DLG4: variants seen among roughly 807,000 people sequenced by gnomAD.
The protein encoded by DLG4 is discs large MAGUK scaffold protein 4.
A neutral mutation model predicts 93.8 loss-of-function variants in DLG4; 7 were observed. The observed-to-expected ratio is 0.07, with a 90% CI of 0.04 to 0.14. DLG4 has a LOEUF of 0.14. DLG4 is among the 10% of genes least tolerant of loss of function. The pLI, the probability that DLG4 is intolerant of heterozygous loss-of-function variation, is 1.00. For synonymous variants in DLG4, 341 were observed against 387.6 expected, an observed-to-expected ratio of 0.88 and a Z score of 1.41; for missense variants, 545 against 992.9, an observed-to-expected ratio of 0.55 and a Z score of 6.06.
rs1382776465 is a variant in DLG4 at position 7,191,546 on chromosome 17, C to T, written c.1977-188G>A. The stretch of plus-strand genomic sequence containing the variant: ...CACCCCCCTGCCACCCGCAACCGCC[C>T]CAGCCAGGTGTGGCTACTCCAGGGA... On this transcript the variant is annotated intron_variant, in intron 18 of 19. Transcript: ENST00000399506. The surrounding 1 kb of genome is among the most constrained non-coding windows in gnomAD (Gnocchi z 6.6). 4.8e-6 allele frequency: 3 copies of T among 621,818 alleles called. No individual in the cohort carries two copies. Among genetic ancestry groups the T allele is most frequent in the Non-Finnish European group, 8.6e-6 (3 of 350,100 alleles). 38.5% of individuals were successfully genotyped at this position (621,818 alleles called of 1,614,324 possible). A position where few individuals can be genotyped will look rare whatever the true frequency, so the allele number is the denominator to read the frequency against.
chr17:7,202,738 G>T, intron 8 of DLG4, 165 bp downstream of exon 8: 1 of 860,364 alleles, frequency 1.2e-6, no homozygotes, highest in Non-Finnish European at 1.8e-6. Flanking sequence ...TTCTTTTATG[G>T]TAATTGATTT....
rs2069732773 is a variant in DLG4, at chr17:7,195,594, C to A, written c.1301+626G>T. On this transcript the variant is annotated intron_variant, in intron 11 of 19. Transcript: ENST00000399506. The surrounding 1 kb of genome is among the most constrained non-coding windows in gnomAD (Gnocchi z 4.3). ...AAAGCCAATGGCCAGAAGTGCAGGT[C>A]TTGACCTCTGGAAATAGGTCAGCCA... is the stretch of plus-strand genomic sequence containing the variant. Among the ~76,000 whole-genome samples the A allele has an allele frequency of 6.6e-6, 1 of 152,158 alleles. No individual in the cohort carries two copies. The highest frequency in any genetic ancestry group is 1.5e-5 in the Non-Finnish European group (1 of 68,020).
Position 7,194,437 on chromosome 17 carries a change from A to C in DLG4, c.1360T>G (p.Phe454Val). Residue 454 changes from phenylalanine to valine, a missense_variant, in exon 12 of 20, where the codon TTC becomes GTC. Transcript: ENST00000399506. The surrounding 1 kb of genome is among the most constrained non-coding windows in gnomAD (Gnocchi z 4.4). ...DCGFLSQALS[F>V]RFGDVLHVID... Reference sequence around the variant, plus strand: ...ACATGCAGCACATCCCCAAAGCGGAAGCTCAGGGCCTGGCTCAGGAAGCCG... The same window carrying C: ...ACATGCAGCACATCCCCAAAGCGGACGCTCAGGGCCTGGCTCAGGAAGCCG... 6.2e-7 allele frequency: 1 copy of C among 1,612,276 alleles called. No homozygotes were observed. The highest frequency in any genetic ancestry group is 8.5e-7 in the Non-Finnish European group (1 of 1,179,252).
intron 8 of DLG4, among the ~76,000 whole-genome samples, chr17:7,198,725 G>A (rs2069948301): frequency 6.9e-6 from 1 of 144,784 alleles, no homozygotes; most frequent in African/African-American, 2.6e-5. Flanking sequence ...GCAGGGCCCT[G>A]TAATCCCAGC....
In DLG4 at chr17:7,192,936, A is replaced by G. The variant is rs1431426187; in HGVS notation, c.1866+9T>C. 2.5e-6 allele frequency: 4 copies of G among 1,607,032 alleles called. No homozygotes were observed. The highest frequency in any genetic ancestry group is 8.5e-7 in the Non-Finnish European group (1 of 1,176,268). On this transcript the variant is annotated intron_variant, in intron 17 of 19. Coordinates refer to ENST00000399506, the MANE Select transcript of DLG4 (RefSeq NM_001321075.3). ...GAAGGAAGAGGACCGGGTGCCCGCC[A>G]GGTCCTACCTGCTCTGCCACCTCTC...
Position 7,203,367 on chromosome 17 carries a change from G to A in DLG4, c.506-38C>T. On this transcript the variant is annotated intron_variant, in intron 6 of 19. Coordinates refer to ENST00000399506, the MANE Select transcript of DLG4 (RefSeq NM_001321075.3). This position sits in a 1 kb window ranked among gnomAD's most constrained non-coding sequence, Gnocchi z 7.2. ...GAGGCCAGAGGTGGGTGCCCAGGAA[G>A]CAGGCTTGGGGGCACAGGACAGTTG... 2 of 1,591,658 alleles carry A rather than the reference G, an allele frequency of 1.3e-6. No homozygotes were observed. Among genetic ancestry groups the A allele is most frequent in the Non-Finnish European group, 1.7e-6 (2 of 1,162,706 alleles).
At chr17:7,219,830 G>T, upstream of DLG4, 10 of 1,536,368 alleles carry the variant, frequency 6.5e-6, no homozygotes, top group Non-Finnish European at 8.7e-6. Context: ...GGGCTCCAGG[G>T]AACTACAGCT....
Position 7,196,738 on chromosome 17 carries a change from G to T in DLG4, c.1083+19C>A. 1 of 1,593,324 alleles carries T rather than the reference G, an allele frequency of 6.3e-7. No individual in the cohort carries two copies. ...CTGTGGGGAGGGGGTGGTGCAGGTA[G>T]GGGCAGGCCTTCCCTCACCGACAGG... On this transcript the variant is annotated intron_variant, in intron 9 of 19. Coordinates refer to ENST00000399506, the MANE Select transcript of DLG4 (RefSeq NM_001321075.3). This position sits in a 1 kb window ranked among gnomAD's most constrained non-coding sequence, Gnocchi z 8.3.
chr17:7,198,286 C>A (rs2069907315), intron 8 of DLG4, among the ~76,000 whole-genome samples: 1 of 151,694 alleles, frequency 6.6e-6, no homozygotes, highest in Non-Finnish European at 1.5e-5. Context: ...ACTTTGAGAC[C>A]AGCCTGGCTA....
intron 2 of DLG4, chr17:7,205,201 GACATCCGGGTCCTATCCCGCTCATCT>G: frequency 1.0e-6 from 1 of 980,922 alleles, no homozygotes; most frequent in South Asian, 4.7e-5. Context: ...AGTGGTGAAA[GACATCCGGGTCCTATCCCGCTCATCT>G]ACTCCCTCCC....
At position 7,193,624 on chromosome 17, in the gene DLG4, G is replaced by A. The variant is rs1597444102; in HGVS notation, c.1592-40C>T. The A allele has an allele frequency of 6.5e-7, 1 of 1,530,068 alleles. No homozygotes were observed. Among genetic ancestry groups the A allele is most frequent in the East Asian group, 2.3e-5 (1 of 44,284 alleles). The allele number at this position is 1,530,068 out of a possible 1,614,324, so 94.8% of individuals were successfully genotyped here. A position where few individuals can be genotyped will look rare whatever the true frequency, so the allele number is the denominator to read the frequency against. ...TGGCTTAGGCCGAGCGCAGGGTTGG[G>A]GGAGCAGCAAGTGCTGGGGCCAAGG... On this transcript the variant is annotated intron_variant, in intron 15 of 19. Coordinates refer to ENST00000399506, the MANE Select transcript of DLG4 (RefSeq NM_001321075.3). The surrounding 1 kb of genome is among the most constrained non-coding windows in gnomAD (Gnocchi z 6.7).
Position 7,193,016 on chromosome 17 carries a change from T to C in DLG4, c.1795A>G (p.Ile599Val). 6.2e-7 allele frequency: 1 copy of C among 1,613,776 alleles called. No individual in the cohort carries two copies. The highest frequency in any genetic ancestry group is 2.2e-5 in the East Asian group (1 of 44,872). ...TGGCTGTTGTACTGGCCGGCCTCAATGAACTTGTGCGCCTGAATGTCCTTC... is the reference window on the plus strand; with the variant it reads ...TGGCTGTTGTACTGGCCGGCCTCAACGAACTTGTGCGCCTGAATGTCCTTC... ...MEKDIQAHKF[I>V]EAGQYNSHLY... Residue 599 changes from isoleucine to valine, a missense_variant, in exon 17 of 20, where the codon ATT becomes GTT. Transcript: ENST00000399506. This position sits in a 1 kb window ranked among gnomAD's most constrained non-coding sequence, Gnocchi z 6.7.
intron 1 of DLG4, among the ~76,000 whole-genome samples, chr17:7,210,728 T>G (rs960552778): frequency 2.6e-5 from 4 of 152,060 alleles, no homozygotes; most frequent in African/African-American, 9.7e-5. Flanking sequence ...AGCTCCAAGT[T>G]TTGGAGTCTG....
intron 2 of DLG4, chr17:7,204,482 T>TC: frequency 4.2e-6 from 2 of 473,166 alleles, no homozygotes; most frequent in Non-Finnish European, 7.4e-6. Context: ...AGGATCTAAC[T>TC]CTGCCCAGCC....
rs2653285 is a variant in DLG4, at chr17:7,193,426, C to A, written c.1693+57G>T. On this transcript the variant is annotated intron_variant, in intron 16 of 19. Coordinates refer to ENST00000399506, the MANE Select transcript of DLG4 (RefSeq NM_001321075.3). This position sits in a 1 kb window ranked among gnomAD's most constrained non-coding sequence, Gnocchi z 6.7. ...TCTGCCTATGGCCCCAGGGATGGGC[C>A]TCCCCTGCCCCACCCCCACTTCCAC... 1.2e-5 allele frequency: 18 copies of A among 1,472,656 alleles called. No homozygotes were observed. Among genetic ancestry groups the A allele is most frequent in the Non-Finnish European group, 1.6e-5 (18 of 1,105,772 alleles). The allele number at this position is 1,472,656 out of a possible 1,614,324, so 91.2% of individuals were successfully genotyped here.
chr17:7,205,442 T>A (rs1209139161), intron 2 of DLG4, among the ~76,000 whole-genome samples: 3 of 152,050 alleles, frequency 2.0e-5, no homozygotes, highest in Non-Finnish European at 4.4e-5. Flanking sequence ...TACTTCCTCC[T>A]TAAAGAAACA....
chr17:7,201,864 A>G (rs978321099), intron 8 of DLG4, among the ~76,000 whole-genome samples: 2 of 152,186 alleles, frequency 1.3e-5, no homozygotes, highest in African/African-American at 4.8e-5. Flanking sequence ...CTGGGCAAGA[A>G]GAGCGAAACT....
intron 2 of DLG4, among the ~76,000 whole-genome samples, chr17:7,207,772 C>G (rs1307253020): frequency 1.3e-5 from 2 of 151,044 alleles, no homozygotes; most frequent in African/African-American, 4.9e-5. Flanking sequence ...CGCATGCATG[C>G]ACACACGCAC....
chr17:7,213,920 T>C, intron 1 of DLG4: 1 of 465,782 alleles, frequency 2.1e-6, no homozygotes. Context: ...AAGGAGTCAG[T>C]GCGGAAGGGG....
Sources: gnomAD v4.1 joint callset for allele counts (sites outside exome capture counted in the v4.1 genomes callset) on GRCh38, gnomAD v4.1.1 for gene constraint, Gnocchi (gnomAD v3.1) non-coding constraint, MANE v1.5 for transcripts, NCBI Gene and HGNC (gene_info 2026-07-23, HGNC 2026-07-21) for gene names.